Variants in SLC2A9 observed in about 807,000 individuals in gnomAD.
The protein encoded by SLC2A9 is solute carrier family 2, facilitated glucose transporter member 9.
Under a neutral mutation model 50.6 loss-of-function variants are expected in SLC2A9, and 39 were observed. The ratio of observed to expected loss-of-function variants is 0.77; its 90% CI spans 0.60 to 1.01. The LOEUF (loss-of-function observed/expected upper bound fraction) is 1.01. SLC2A9 is among the 50% of genes least tolerant of loss of function. The pLI is 0.00. For missense variants in SLC2A9, 686 were observed against 677.6 expected, an observed-to-expected ratio of 1.01 and a Z score of -0.14; for synonymous variants, 324 against 276.9, an observed-to-expected ratio of 1.17 and a Z score of -1.69.
intron 5 of SLC2A9, among the ~76,000 whole-genome samples, chr4:9,978,751 G>A (rs186206133): frequency 1.7e-3 from 255 of 152,280 alleles, no homozygotes; most frequent in African/African-American, 5.6e-3. Flanking sequence ...AGTCATAGCC[G>A]TAATAACCCA....
intron 6 of SLC2A9, among the ~76,000 whole-genome samples, chr4:9,937,949 T>C (rs906176543): frequency 6.6e-6 from 1 of 152,254 alleles, no homozygotes; most frequent in Non-Finnish European, 1.5e-5. Context: ...TGCATTTACC[T>C]GGGCCTGCCC....
At chr4:9,846,663 G>A (rs1459324716) in intron 10 of SLC2A9, among the ~76,000 whole-genome samples, 2 of 152,172 alleles carry the variant, frequency 1.3e-5, no homozygotes, top group Admixed American at 6.5e-5. Context: ...CTTGGCACAT[G>A]GCAAATTATT....
chr4:9,985,959 T>C (rs1293037270), intron 3 of SLC2A9, among the ~76,000 whole-genome samples, 166 bp from the exon 4 acceptor site: 1 of 152,206 alleles, frequency 6.6e-6, no homozygotes, highest in African/African-American at 2.4e-5. Context: ...GTGACTGGGT[T>C]CAGCCCTGGG....
intron 3 of SLC2A9, among the ~76,000 whole-genome samples, chr4:9,991,737 G>T (rs1368131867): frequency 6.6e-6 from 1 of 152,210 alleles, no homozygotes; most frequent in East Asian, 1.9e-4. Context: ...GGACACCAGG[G>T]ATGCACACAC....
intron 6 of SLC2A9, among the ~76,000 whole-genome samples, chr4:9,937,508 G>A (rs1325469192): frequency 6.6e-6 from 1 of 152,204 alleles, no homozygotes; most frequent in Non-Finnish European, 1.5e-5. Context: ...GTAACAGTGA[G>A]GGAGGAGGGC....
At chr4:10,007,749 C>A (rs778892078) in intron 2 of SLC2A9, among the ~76,000 whole-genome samples, 1 of 152,108 alleles carries the variant, frequency 6.6e-6, no homozygotes, top group Non-Finnish European at 1.5e-5. Context: ...TCCGGTTGGC[C>A]GGAATGAAAA....
chr4:9,897,566 G>A (rs1738789149), intron 8 of SLC2A9, among the ~76,000 whole-genome samples: 1 of 152,058 alleles, frequency 6.6e-6, no homozygotes, highest in South Asian at 2.1e-4. Context: ...CATGATGACT[G>A]GTGTCCTTGA....
At chr4:9,940,003 A>C (rs1459886567) in intron 6 of SLC2A9, among the ~76,000 whole-genome samples, 1 of 151,888 alleles carries the variant, frequency 6.6e-6, no homozygotes, top group African/African-American at 2.4e-5. Flanking sequence ...CTTCTCCCTC[A>C]CTCCCTACTG....
At chr4:9,772,821 TTTTA>T (rs1238195975) in intron 1 of SLC2A9, among the ~76,000 whole-genome samples, 1 of 62,044 alleles carries the variant, frequency 1.6e-5, no homozygotes, top group East Asian at 3.4e-4. Flanking sequence ...TTATTTTTTT[TTTTA>T]TTTTTTTTTT....
intron 3 of SLC2A9, chr4:9,782,302 G>C: frequency 6.2e-7 from 1 of 1,614,016 alleles, no homozygotes. Flanking sequence ...TTTTCGTGGC[G>C]CTGCTGGTCA....
At chr4:10,010,544 T>C (rs1761590055) in intron 2 of SLC2A9, among the ~76,000 whole-genome samples, 1 of 152,194 alleles carries the variant, frequency 6.6e-6, no homozygotes, top group Non-Finnish European at 1.5e-5. Flanking sequence ...AAGTTTGGCC[T>C]AAATGGCTAG....
chr4:9,988,144 G>A (rs1359110976), intron 3 of SLC2A9, among the ~76,000 whole-genome samples: 1 of 152,226 alleles, frequency 6.6e-6, no homozygotes, highest in Non-Finnish European at 1.5e-5. Flanking sequence ...TACCACAACA[G>A]GTGAGTCAAC....
At chr4:9,781,103 G>C (rs1718297199) in intron 3 of SLC2A9, among the ~76,000 whole-genome samples, 1 of 152,178 alleles carries the variant, frequency 6.6e-6, no homozygotes, top group Non-Finnish European at 1.5e-5. Flanking sequence ...GCGGGAGCCT[G>C]TTCCTAGGAG....
downstream of SLC2A9, among the ~76,000 whole-genome samples, chr4:9,821,592 C>T (rs573800031): frequency 1.3e-5 from 2 of 152,034 alleles, no homozygotes; most frequent in Non-Finnish European, 2.9e-5. Flanking sequence ...CACGTGTATA[C>T]CTATGTAACA....
At chr4:10,013,302 C>G (rs1368421060) in intron 2 of SLC2A9, among the ~76,000 whole-genome samples, 2 of 152,232 alleles carry the variant, frequency 1.3e-5, no homozygotes, top group Non-Finnish European at 2.9e-5. Context: ...CACATCCCAT[C>G]CACCAAGCTG....
rs1750067430 is a variant in SLC2A9 at position 9,950,729 on chromosome 4, T to TCAAAGG, written c.682-8685_682-8684insCCTTTG. Among the ~76,000 whole-genome samples, 598 of 94,934 alleles carry TCAAAGG rather than the reference T, an allele frequency of 6.3e-3. 122 individuals are homozygous for TCAAAGG. Among genetic ancestry groups the TCAAAGG allele is most frequent in the African/African-American group, 0.013 (198 of 15,638 alleles). The allele number at this position is 94,934 out of a possible 152,430, so 62.3% of individuals were successfully genotyped here. A position where few individuals can be genotyped will look rare whatever the true frequency, so the allele number is the denominator to read the frequency against. ...TAACACGGTGAAACCCTGTCTCTAC[T>TCAAAGG]AAAAATACAAAAAATTAGCCGGGCG... On this transcript the variant is annotated intron_variant, in intron 5 of 11. Transcript: ENST00000264784.
At chr4:9,774,803 C>T (rs1201083284) in intron 1 of SLC2A9, among the ~76,000 whole-genome samples, 2 of 151,864 alleles carry the variant, frequency 1.3e-5, no homozygotes, top group Non-Finnish European at 1.5e-5. Context: ...ATCTTCCTCT[C>T]TCCCTACTTC....
downstream of SLC2A9, among the ~76,000 whole-genome samples, chr4:9,795,834 C>A (rs1345556609): frequency 6.6e-6 from 1 of 152,128 alleles, no homozygotes; most frequent in African/African-American, 2.4e-5. Flanking sequence ...CCACAAAAGA[C>A]CTCAGGGGGA....
intron 6 of SLC2A9, among the ~76,000 whole-genome samples, chr4:9,924,472 G>T (rs1744535785): frequency 6.6e-6 from 1 of 152,196 alleles, no homozygotes; most frequent in Admixed American, 6.5e-5. Context: ...AGGTGACTGG[G>T]TGGGTGGGGT....
Sources: allele counts gnomAD v4.1 joint callset (sites outside exome capture counted in the v4.1 genomes callset), GRCh38; gene constraint gnomAD v4.1.1; transcripts MANE v1.5; gene names NCBI Gene and HGNC (gene_info 2026-07-23, HGNC 2026-07-21).